The following HEATR4 variants were observed in gnomAD, a reference collection of about 807,000 sequenced individuals.
HEATR4 encodes HEAT repeat containing 4.
In HEATR4, 95 loss-of-function variants were observed where a neutral mutation model predicts 108.8. The ratio of observed to expected loss-of-function variants is 0.87; its 90% CI spans 0.74 to 1.04. The LOEUF (loss-of-function observed/expected upper bound fraction) is 1.04, where lower values mean the gene tolerates loss of function less well. Among genes scored for constraint, HEATR4 ranks in the 50% least tolerant of loss-of-function variants. The pLI is 0.00. For missense variants in HEATR4, 1,152 were observed against 1,253.8 expected (o/e 0.92, Z 1.23); for synonymous variants, 443 against 459.4 (o/e 0.96, Z 0.46).
At chr14:73,616,447 C>G in the HEATR4 span, among the ~76,000 whole-genome samples, 8 of 152,114 alleles carry the variant, frequency 5.3e-5, no homozygotes, top group African/African-American at 1.7e-4. Context: ...AATCGCAGCA[C>G]TTTGGGAGGC....
At chr14:73,524,310 A>AATATATATATATAT (rs58047390) in intron 2 of HEATR4, among the ~76,000 whole-genome samples, 19 of 54,760 alleles carry the variant, frequency 3.5e-4, no homozygotes, top group Admixed American at 8.4e-4. Context: ...AAAAAAAAAA[A>AATATATATATATAT]ATATATATAT....
At chr14:73,498,846 G>A (rs1224683094) in intron 13 of HEATR4, among the ~76,000 whole-genome samples, 2 of 152,170 alleles carry the variant, frequency 1.3e-5, no homozygotes, top group Admixed American at 6.6e-5. Context: ...GGACTGTCTT[G>A]TCAGCCCTTT....
the HEATR4 span, among the ~76,000 whole-genome samples, chr14:73,629,274 T>C: frequency 1.3e-5 from 2 of 152,208 alleles, no homozygotes; most frequent in Non-Finnish European, 2.9e-5. Flanking sequence ...GGCAACTTAA[T>C]AGACTACAGT....
At chr14:73,495,612 T>C (rs1245501284) in intron 15 of HEATR4, among the ~76,000 whole-genome samples, 1 of 151,722 alleles carries the variant, frequency 6.6e-6, no homozygotes, top group Non-Finnish European at 1.5e-5. Context: ...TAATTGCATA[T>C]GCTTATCAGT....
the HEATR4 span, chr14:73,567,677 T>C: frequency 3.3e-5 from 5 of 152,054 alleles, no homozygotes; most frequent in Non-Finnish European, 5.9e-5. Context: ...TACTTCACAA[T>C]AAACCTTGCT....
At chr14:73,495,137 T>C (rs1019056) in intron 16 of HEATR4, 91 bp downstream of exon 16, 821,730 of 1,134,230 alleles carry the variant, frequency 0.72, 300,891 homozygotes, top group African/African-American at 0.91. Context: ...TTTCATCCTC[T>C]AAGGCTTGCT....
chr14:73,486,000 C>T (rs1014655730), intron 17 of HEATR4, among the ~76,000 whole-genome samples: 24 of 152,288 alleles, frequency 1.6e-4, no homozygotes, highest in African/African-American at 5.8e-4. Flanking sequence ...CGGTGTTAGC[C>T]ACTGCACCTG....
intron 17 of HEATR4, among the ~76,000 whole-genome samples, chr14:73,484,833 G>C (rs187758672): frequency 0.38 from 53,512 of 141,078 alleles, 9,814 homozygotes; most frequent in Admixed American, 0.4. Context: ...CACACACACA[G>C]ACACACACAC....
the HEATR4 span, chr14:73,592,325 G>A: frequency 6.2e-7 from 1 of 1,607,968 alleles, no homozygotes; most frequent in Non-Finnish European, 8.5e-7. Context: ...TGCTGTGCCA[G>A]GCGCAGCACG....
the HEATR4 span, chr14:73,575,503 C>T: frequency 3.8e-5 from 58 of 1,510,774 alleles, no homozygotes; most frequent in South Asian, 7.2e-4. Flanking sequence ...ACAATCCCAT[C>T]AAAAGTGTAA....
Position 73,548,397 on chromosome 14 carries a change from C to T in HEATR4, c.-152+10354G>A, listed in dbSNP as rs545412486. Reference sequence around the variant, plus strand: ...AAGAGGCAGCGGAACTAGGAGTTGTCGGGTGGCGTGACCTGCTCCACTGGC... The same window carrying T: ...AAGAGGCAGCGGAACTAGGAGTTGTTGGGTGGCGTGACCTGCTCCACTGGC... On this transcript the variant is annotated intron_variant, in intron 1 of 17. Transcript: ENST00000553558. Among the ~76,000 whole-genome samples, 125 of 114,566 alleles carry T rather than the reference C, an allele frequency of 1.1e-3. 29 individuals carry two copies. The highest frequency in any genetic ancestry group is 3.2e-3 in the African/African-American group (113 of 35,400). The allele number at this position is 114,566 out of a possible 152,430, so 75.2% of individuals were successfully genotyped here. A position where few individuals can be genotyped will look rare whatever the true frequency, so the allele number is the denominator to read the frequency against.
the HEATR4 span, chr14:73,595,625 A>G: frequency 4.9e-5 from 75 of 1,530,006 alleles, no homozygotes; most frequent in Non-Finnish European, 6.3e-5. Flanking sequence ...CCTGGGAGGT[A>G]CCCAGAAAAC....
intron 10 of HEATR4, among the ~76,000 whole-genome samples, chr14:73,504,580 G>A (rs1308482244): frequency 6.6e-6 from 1 of 152,138 alleles, no homozygotes; most frequent in Non-Finnish European, 1.5e-5. Flanking sequence ...GGTGACGCCT[G>A]TGCTGCTGGT....
chr14:73,498,424 A>C, intron 13 of HEATR4, 80 bp from the exon 14 acceptor site: 1 of 1,249,790 alleles, frequency 8.0e-7, no homozygotes, highest in South Asian at 1.5e-5. Context: ...TGAGTTTTGC[A>C]AACAATACCT....
At chr14:73,604,138 T>C in the HEATR4 span, among the ~76,000 whole-genome samples, 2 of 150,310 alleles carry the variant, frequency 1.3e-5, no homozygotes, top group African/African-American at 4.9e-5. Flanking sequence ...AATCCAGTAG[T>C]TGTAAGATTT....
chr14:73,570,949 C>A, the HEATR4 span, among the ~76,000 whole-genome samples: 1 of 144,238 alleles, frequency 6.9e-6, no homozygotes, highest in South Asian at 2.2e-4. Context: ...TTTTAATGTT[C>A]TTATTTATGT....
chr14:73,513,723 G>A (rs1417470292), intron 6 of HEATR4, among the ~76,000 whole-genome samples: 7 of 73,030 alleles, frequency 9.6e-5, no homozygotes, highest in Admixed American at 8.0e-4. Flanking sequence ...GCGAAACTAC[G>A]TCTCCAAAAA....
chr14:73,491,135 C>G (rs1406114225), intron 17 of HEATR4: 4 of 1,607,420 alleles, frequency 2.5e-6, no homozygotes, highest in African/African-American at 1.3e-5. Flanking sequence ...CAGGAAGATA[C>G]GAAAGCAGCT....
intron 17 of HEATR4, among the ~76,000 whole-genome samples, chr14:73,479,129 T>TTTG (rs1566813999): frequency 0.012 from 1,762 of 149,494 alleles, 42 homozygotes; most frequent in African/African-American, 0.041. Flanking sequence ...TTGTTTGTTT[T>TTTG]TTTTGAGACG....
Sources: allele counts gnomAD v4.1 joint callset (sites outside exome capture counted in the v4.1 genomes callset), GRCh38; gene constraint gnomAD v4.1.1; transcripts MANE v1.5; gene names NCBI Gene and HGNC (gene_info 2026-07-23, HGNC 2026-07-21).